Variants in RBMS3 observed in about 807,000 individuals in gnomAD.
The protein encoded by RBMS3 is RNA binding motif single stranded interacting protein 3.
In RBMS3, 27 loss-of-function variants were observed where a neutral mutation model predicts 66.8. The observed-to-expected ratio is 0.40, with a 90% confidence interval of 0.30 to 0.56. RBMS3 has a LOEUF of 0.56. RBMS3 is among the 20% of genes least tolerant of loss of function. The pLI is 0.40. For missense variants in RBMS3, 513 were observed against 549.5 expected (o/e 0.93, Z 0.66); for synonymous variants, 188 against 183.0 (o/e 1.03, Z -0.22).
Position 29,631,436 on chromosome 3 carries a change from T to C in RBMS3, c.399+44231T>C, listed in dbSNP as rs933767247. On this transcript the variant is annotated intron_variant, in intron 4 of 14. Transcript: ENST00000383767. ...TAATAAATATTCTTGAGTCATCTGA[T>C]AGCTCAATCCCAGAGGAAATAAGGC... 2.0e-5 allele frequency among the ~76,000 whole-genome samples: 3 copies of C among 151,928 alleles called. 1 individual carries two copies. The highest frequency in any genetic ancestry group is 2.0e-4 in the Admixed American group (3 of 15,208).
chr3:29,821,479 A>G (rs757191492), intron 6 of RBMS3, among the ~76,000 whole-genome samples: 2 of 152,136 alleles, frequency 1.3e-5, no homozygotes, highest in Non-Finnish European at 2.9e-5. Flanking sequence ...GTCACTTAAT[A>G]CTGAGTTATA....
At chr3:29,632,932 G>A (rs180928285) in intron 4 of RBMS3, among the ~76,000 whole-genome samples, 27 of 151,822 alleles carry the variant, frequency 1.8e-4, no homozygotes, top group Middle Eastern at 3.4e-3. Flanking sequence ...AAATGTTTTC[G>A]TTTTTATTCT....
intron 3 of RBMS3, among the ~76,000 whole-genome samples, chr3:29,513,295 G>A (rs536726767): frequency 1.2e-4 from 19 of 152,194 alleles, no homozygotes; most frequent in East Asian, 1.2e-3. Flanking sequence ...AACAGATTTC[G>A]TTATTTTTCT....
At chr3:29,566,651 AAAAT>A (rs1244395974) in intron 3 of RBMS3, among the ~76,000 whole-genome samples, 2 of 149,220 alleles carry the variant, frequency 1.3e-5, no homozygotes, top group Non-Finnish European at 1.5e-5. Context: ...AAAAAAAAAA[AAAAT>A]TAGGGAAAAA....
chr3:29,803,926 A>G (rs1201142901), intron 6 of RBMS3, among the ~76,000 whole-genome samples: 1 of 152,062 alleles, frequency 6.6e-6, no homozygotes, highest in Non-Finnish European at 1.5e-5. Context: ...TCCAGAGTGC[A>G]AAGTAGGCTA....
intron 3 of RBMS3, among the ~76,000 whole-genome samples, chr3:29,504,220 T>C (rs1238912018): frequency 6.6e-6 from 1 of 151,988 alleles, no homozygotes; most frequent in African/African-American, 2.4e-5. Flanking sequence ...TGCCAGTTAG[T>C]AGGGGAAAAA....
At chr3:29,363,953 T>G (rs1344933747) in intron 1 of RBMS3, among the ~76,000 whole-genome samples, 1 of 152,146 alleles carries the variant, frequency 6.6e-6, no homozygotes, top group Non-Finnish European at 1.5e-5. Context: ...TACTTTCATA[T>G]ACTATTAAGT....
intron 1 of RBMS3, among the ~76,000 whole-genome samples, chr3:29,390,137 A>G (rs984469001): frequency 2.0e-5 from 3 of 152,214 alleles, no homozygotes; most frequent in African/African-American, 7.2e-5. Flanking sequence ...CATGGCTGTT[A>G]TCAAATTCCA....
chr3:29,382,157 C>A (rs2125625515), intron 1 of RBMS3, among the ~76,000 whole-genome samples: 1 of 152,228 alleles, frequency 6.6e-6, no homozygotes, highest in East Asian at 1.9e-4. Flanking sequence ...ACAAACAAGG[C>A]AAACATGGAG....
intron 4 of RBMS3, among the ~76,000 whole-genome samples, chr3:29,651,210 A>G (rs1363214688): frequency 1.3e-5 from 2 of 152,220 alleles, no homozygotes; most frequent in Admixed American, 6.5e-5. Flanking sequence ...GGTCTTGCAT[A>G]GGACTCTACC....
At chr3:29,699,405 C>G (rs1332340568) in intron 4 of RBMS3, among the ~76,000 whole-genome samples, 1 of 152,130 alleles carries the variant, frequency 6.6e-6, no homozygotes, top group Admixed American at 6.6e-5. Flanking sequence ...TCTTGGCCTC[C>G]CTAAGTGCTG....
chr3:29,293,160 CAGAA>C (rs1167876109), intron 1 of RBMS3, among the ~76,000 whole-genome samples: 3 of 151,846 alleles, frequency 2.0e-5, no homozygotes, highest in Admixed American at 1.3e-4. Context: ...GGATGTTTTT[CAGAA>C]AGAGTCATTG....
chr3:29,518,312 A>G (rs1045655244), intron 3 of RBMS3, among the ~76,000 whole-genome samples: 1 of 152,206 alleles, frequency 6.6e-6, no homozygotes, highest in Admixed American at 6.5e-5. Context: ...TTGGAAACTT[A>G]TAGATAGAAC....
intron 12 of RBMS3, among the ~76,000 whole-genome samples, chr3:29,963,380 G>A (rs565524142): frequency 6.6e-6 from 1 of 152,254 alleles, no homozygotes; most frequent in South Asian, 2.1e-4. Context: ...GTAAAGCCAA[G>A]TTTGAAAGTT....
intron 4 of RBMS3, among the ~76,000 whole-genome samples, chr3:29,667,919 T>C (rs549748887): frequency 7.2e-5 from 11 of 152,158 alleles, no homozygotes; most frequent in Non-Finnish European, 1.6e-4. Context: ...TCCATAAATT[T>C]TGACTTAGAA....
chr3:29,410,391 G>A (rs1402893569), intron 1 of RBMS3, among the ~76,000 whole-genome samples: 1 of 152,156 alleles, frequency 6.6e-6, no homozygotes, highest in Non-Finnish European at 1.5e-5. Flanking sequence ...ACACACACCT[G>A]TGTCACTGAC....
At chr3:29,984,928 G>A (rs770695979) in intron 12 of RBMS3, among the ~76,000 whole-genome samples, 15 of 152,178 alleles carry the variant, frequency 9.9e-5, no homozygotes, top group Admixed American at 9.8e-4. Flanking sequence ...CTCAAGCGCT[G>A]TGCTGGAAGA....
chr3:29,986,716 G>A (rs984476283), intron 12 of RBMS3, among the ~76,000 whole-genome samples: 3 of 152,188 alleles, frequency 2.0e-5, no homozygotes. Context: ...GCTGAGGCAG[G>A]TGGATCACTT....
intron 12 of RBMS3, among the ~76,000 whole-genome samples, chr3:29,956,479 T>G (rs2149725350): frequency 6.6e-6 from 1 of 152,180 alleles, no homozygotes; most frequent in South Asian, 2.1e-4. Flanking sequence ...CTTTTATCCC[T>G]TGTGGTATTA....
Sources: allele counts gnomAD v4.1 joint callset (sites outside exome capture counted in the v4.1 genomes callset), GRCh38; gene constraint gnomAD v4.1.1; transcripts MANE v1.5; gene names NCBI Gene and HGNC (gene_info 2026-07-23, HGNC 2026-07-21).